STRN: variants seen among roughly 807,000 people sequenced by gnomAD.
The protein encoded by STRN is striatin, also known as protein phosphatase 2 regulatory subunit B'''alpha.
Under a neutral mutation model 96.3 loss-of-function variants are expected in STRN, and 53 were observed. That is an observed-to-expected ratio of 0.55 (90% confidence interval 0.44 to 0.69). The LOEUF is 0.69. Among genes scored for constraint, STRN ranks in the 30% least tolerant of loss-of-function variants. STRN has a pLI of 0.00. For synonymous variants in STRN, 428 were observed against 355.9 expected (o/e 1.20, Z -2.28); for missense variants, 987 against 963.9 (o/e 1.02, Z -0.32).
chr2:36,902,752 C>T lies in STRN; in HGVS notation c.492-1G>A, dbSNP rs1473311072. 6.3e-7 allele frequency: 1 copy of T among 1,596,360 alleles called. No homozygotes were observed. Among genetic ancestry groups the T allele is most frequent in the Non-Finnish European group, 8.5e-7 (1 of 1,170,208 alleles). On this transcript the variant is annotated splice_acceptor_variant, in intron 4 of 17. Transcript: ENST00000263918. LOFTEE classifies it high-confidence loss of function. ...TGTATAACCCACCTCCTGTAGATACCTGTGTGAAGAGAATCCTTAGAGTTC... is the reference window on the plus strand; with the variant it reads ...TGTATAACCCACCTCCTGTAGATACTTGTGTGAAGAGAATCCTTAGAGTTC...
At chr2:36,962,070 C>G (rs992678588) in intron 1 of STRN, among the ~76,000 whole-genome samples, 1 of 152,204 alleles carries the variant, frequency 6.6e-6, no homozygotes, top group African/African-American at 2.4e-5. Flanking sequence ...TTATTTATCA[C>G]TGTCTGCCTG....
At chr2:36,934,382 A>G (rs1435823334) in intron 1 of STRN, among the ~76,000 whole-genome samples, 1 of 152,226 alleles carries the variant, frequency 6.6e-6, no homozygotes, top group Non-Finnish European at 1.5e-5. Flanking sequence ...CATTACTCTC[A>G]ATGGAAATAT....
intron 1 of STRN, among the ~76,000 whole-genome samples, chr2:36,951,611 A>T (rs754959470): frequency 2.6e-5 from 4 of 152,246 alleles, no homozygotes; most frequent in Non-Finnish European, 5.9e-5. Context: ...ATATATAGAC[A>T]CATGTTAATA....
rs1219209021 is a variant in STRN at position 36,845,943 on chromosome 2, ACACACACACT to A, written c.*3503_*3512del. ...CACACACACACACACACACACACAC[ACACACACACT>A]AACTCTCTCTCTCTCTCTGTGCCCC... is the stretch of plus-strand genomic sequence containing the variant. On this transcript the variant is annotated 3_prime_UTR_variant, in exon 18 of 18. Transcript: ENST00000263918. 4.3e-5 allele frequency: 5 copies of A among 114,990 alleles called. No individual in the cohort carries two copies. Among genetic ancestry groups the A allele is most frequent in the East Asian group, 3.0e-4 (1 of 3,288 alleles). The allele number at this position is 114,990 out of a possible 1,614,324, so 7.1% of individuals were successfully genotyped here. A position where few individuals can be genotyped will look rare whatever the true frequency, so the allele number is the denominator to read the frequency against.
At chr2:36,928,944 T>A (rs1306734007) in intron 1 of STRN, among the ~76,000 whole-genome samples, 1 of 135,536 alleles carries the variant, frequency 7.4e-6, no homozygotes, top group Admixed American at 7.3e-5. Context: ...TGAGACTCCG[T>A]CTCAAAAAAA....
chr2:36,858,053 G>A, intron 13 of STRN, 30 bp from the exon 14 acceptor site: 2 of 1,520,198 alleles, frequency 1.3e-6, no homozygotes, highest in Non-Finnish European at 1.8e-6. Context: ...TGCAAAATCA[G>A]GAGAAAAACA....
At chr2:36,856,291 C>A (rs1322515891) in intron 14 of STRN, among the ~76,000 whole-genome samples, 1 of 152,084 alleles carries the variant, frequency 6.6e-6, no homozygotes, top group Non-Finnish European at 1.5e-5. Flanking sequence ...AAATAAACAT[C>A]CACCTGAAAG....
intron 1 of STRN, among the ~76,000 whole-genome samples, chr2:36,937,339 T>C (rs1233657562): frequency 1.8e-4 from 8 of 45,368 alleles, no homozygotes; most frequent in East Asian, 7.5e-4. Flanking sequence ...AGTGAGACTG[T>C]CTCAAAAAAA....
At position 36,928,082 on chromosome 2, in the gene STRN, T is replaced by A. The variant is rs896452241; in HGVS notation, c.235-2874A>T. 3.9e-5 allele frequency among the ~76,000 whole-genome samples: 6 copies of A among 152,318 alleles called. No individual in the cohort carries two copies. In the South Asian group the frequency reaches 1.2e-3, roughly 32 times the overall value. On this transcript the variant is annotated intron_variant, in intron 1 of 17. Coordinates refer to ENST00000263918, the MANE Select transcript of STRN (RefSeq NM_003162.4). Reference sequence around the variant, plus strand: ...AATAATGTCAATCTTTTACCTTTTTTTTCTCTAGGAAACTTAGATATTAGA... The same window carrying A: ...AATAATGTCAATCTTTTACCTTTTTATTCTCTAGGAAACTTAGATATTAGA...
rs1400589251 is a variant in STRN at position 36,840,034 on chromosome 2, AG to A, written c.*9421del. 2 of 152,198 alleles carry A rather than the reference AG, an allele frequency of 1.3e-5. No individual in the cohort carries two copies. Among genetic ancestry groups the A allele is most frequent in the East Asian group, 3.9e-4 (2 of 5,194 alleles). 9.4% of individuals were successfully genotyped at this position (152,198 alleles called of 1,614,324 possible). A position where few individuals can be genotyped will look rare whatever the true frequency, so the allele number is the denominator to read the frequency against. ...CAAAAACCAGCCTGAGAGCATCCTGAGGAACTTTGTCCCAGAATTTTCCTCT... is the reference window on the plus strand; with the variant it reads ...CAAAAACCAGCCTGAGAGCATCCTGAGAACTTTGTCCCAGAATTTTCCTCT... On this transcript the variant is annotated 3_prime_UTR_variant, in exon 18 of 18. Transcript: ENST00000263918.
At chr2:36,886,634 T>C (rs972506592) in intron 8 of STRN, 82 bp downstream of exon 8, 37 of 1,101,098 alleles carry the variant, frequency 3.4e-5, no homozygotes, top group Non-Finnish European at 4.4e-5. Context: ...AGTAAGTAGA[T>C]TTAGGAAAAC....
intron 8 of STRN, among the ~76,000 whole-genome samples, chr2:36,884,870 T>A (rs1310750428): frequency 6.6e-6 from 1 of 152,114 alleles, no homozygotes; most frequent in East Asian, 1.9e-4. Context: ...GCTTTATATA[T>A]CAATTCAAAG....
chr2:36,839,041 C>T lies in STRN; in HGVS notation c.*10415G>A, dbSNP rs1406866208. On this transcript the variant is annotated 3_prime_UTR_variant, in exon 18 of 18. Transcript: ENST00000263918. ...GCAGCATAATATGTAGAATAAAACC[C>T]CATATGTAATAACTGGGTATACACA... 6.6e-6 allele frequency among the ~76,000 whole-genome samples: 1 copy of T among 152,086 alleles called. No homozygotes were observed. The highest frequency in any genetic ancestry group is 2.4e-5 in the African/African-American group (1 of 41,396).
intron 1 of STRN, among the ~76,000 whole-genome samples, chr2:36,929,591 G>A (rs1462024106): frequency 2.0e-5 from 3 of 152,084 alleles, no homozygotes; most frequent in African/African-American, 7.2e-5. Context: ...TACCATGTTG[G>A]TCAGGCTGTT....
chr2:36,903,292 C>A (rs979821734), intron 4 of STRN, among the ~76,000 whole-genome samples: 2 of 152,070 alleles, frequency 1.3e-5, no homozygotes, highest in Non-Finnish European at 2.9e-5. Context: ...GGTGTGTGTA[C>A]ACATGTGTGT....
Position 36,848,823 on chromosome 2 carries a change from G to A in STRN, c.*633C>T, listed in dbSNP as rs1434722821. ...ATAGAAATCTGCTTGCAAACTATTT[G>A]TCTAGCATTTCTGAATAATAATATA... On this transcript the variant is annotated 3_prime_UTR_variant, in exon 18 of 18. Coordinates refer to ENST00000263918, the MANE Select transcript of STRN (RefSeq NM_003162.4). 1 of 152,468 alleles carries A rather than the reference G, an allele frequency of 6.6e-6. No individual in the cohort carries two copies. The highest frequency in any genetic ancestry group is 2.4e-5 in the African/African-American group (1 of 41,394). The allele number at this position is 152,468 out of a possible 1,614,324, so 9.4% of individuals were successfully genotyped here.
rs1668058732 is a variant in STRN at position 36,845,910 on chromosome 2, TGCATGCACACACACACACACACA to T, written c.*3523_*3545del. The T allele has an allele frequency of 3.8e-5, 1 of 26,588 alleles. No homozygotes were observed. Among genetic ancestry groups the T allele is most frequent in the Non-Finnish European group, 8.1e-5 (1 of 12,322 alleles). 1.6% of individuals were successfully genotyped at this position (26,588 alleles called of 1,614,324 possible). A position where few individuals can be genotyped will look rare whatever the true frequency, so the allele number is the denominator to read the frequency against. On this transcript the variant is annotated 3_prime_UTR_variant, in exon 18 of 18. Transcript: ENST00000263918. ...ACACACACACACACACACACACGCA[TGCATGCACACACACACACACACA>T]CACACACACACACACACACTAACTC...
intron 2 of STRN, among the ~76,000 whole-genome samples, chr2:36,923,462 AAAC>A (rs1404256911): frequency 6.6e-6 from 1 of 151,902 alleles, no homozygotes. Context: ...AAAAAAAAAA[AAAC>A]AACTCACTAC....
intron 3 of STRN, among the ~76,000 whole-genome samples, chr2:36,909,933 G>C (rs2148210385): frequency 6.6e-6 from 1 of 152,278 alleles, no homozygotes; most frequent in African/African-American, 2.4e-5. Context: ...AGCACTTTGG[G>C]AGGCCAAGGT....
Sources: allele counts gnomAD v4.1 joint callset (sites outside exome capture counted in the v4.1 genomes callset), GRCh38; gene constraint gnomAD v4.1.1; transcripts MANE v1.5; gene names NCBI Gene and HGNC (gene_info 2026-07-23, HGNC 2026-07-21).